Variants in ASH2L observed in about 807,000 individuals in gnomAD.
ASH2L encodes set1/Ash2 histone methyltransferase complex subunit ASH2.
Under a neutral mutation model 81.1 loss-of-function variants are expected in ASH2L, and 30 were observed. The ratio of observed to expected loss-of-function variants is 0.37; its 90% CI spans 0.28 to 0.50. The LOEUF (loss-of-function observed/expected upper bound fraction) is 0.50. Among genes scored for constraint, ASH2L ranks in the 20% least tolerant of loss-of-function variants. The probability of loss-of-function intolerance (pLI) is 0.95; values close to 1 mark genes in which losing one functional copy is unlikely to be tolerated. For synonymous variants in ASH2L, 273 were observed against 279.9 expected (o/e 0.98, Z 0.24); for missense variants, 559 against 792.1 (o/e 0.71, Z 3.53).
rs1585598397 is a variant in ASH2L at position 38,128,230 on chromosome 8, G to T, written c.1166-61G>T. 3.8e-6 allele frequency: 6 copies of T among 1,587,528 alleles called. No individual in the cohort carries two copies. The East Asian group carries it at 1.1e-4, about 30-fold the overall frequency. ...GTTTTATTGGACTAATGTTTTTGTGGCAATTGTCCCCAAGAACCTCAAATA... is the reference window on the plus strand; with the variant it reads ...GTTTTATTGGACTAATGTTTTTGTGTCAATTGTCCCCAAGAACCTCAAATA... On this transcript the variant is annotated intron_variant, in intron 10 of 15. Coordinates refer to ENST00000343823, the MANE Select transcript of ASH2L (RefSeq NM_004674.5).
At position 38,128,882 on chromosome 8, in the gene ASH2L, G is replaced by A. The variant is rs1801954766; in HGVS notation, c.1458G>A (p.Leu486=). The A allele has an allele frequency of 6.2e-7, 1 of 1,614,004 alleles. No homozygotes were observed. The highest frequency in any genetic ancestry group is 8.5e-7 in the Non-Finnish European group (1 of 1,180,018). ...YSSGYGQGDV[L]GFYINLPEDT... is the part of the protein sequence containing the mutation. ...CTGGCTATGGACAGGGAGACGTCCT[G>A]GGATTTTATATTAATCTTCCTGAAG... The change falls in exon 12 of 16, where the codon CTG becomes CTA. Residue 486 remains leucine, a synonymous_variant. Transcript: ENST00000343823.
At chr8:38,132,597 G>A (rs1440659180) in intron 12 of ASH2L, among the ~76,000 whole-genome samples, 1 of 151,842 alleles carries the variant, frequency 6.6e-6, no homozygotes. Context: ...TCAGGAGTTC[G>A]AGACCAGCCT....
Position 38,120,954 on chromosome 8 carries a change from C to G in ASH2L, c.970C>G (p.Arg324Gly). The G allele has an allele frequency of 1.2e-6, 2 of 1,612,726 alleles. No individual in the cohort carries two copies. The change falls in exon 10 of 16, where the codon CGC (arginine) becomes GGC (glycine). Residue 324 changes from arginine (R) to glycine (G), a missense_variant. By Grantham distance (125) the Arg-to-Gly change is moderately radical. Coordinates refer to ENST00000343823, the MANE Select transcript of ASH2L (RefSeq NM_004674.5). ...ARSDPLFSAQ[R>G]LPPHGYPLEH... ...CAGTGACCCTTTGTTTTCTGCTCAG[C>G]GCCTTCCCCCTCATGGCTACCCATT...
At chr8:38,116,017 G>A (rs937931918) in intron 7 of ASH2L, among the ~76,000 whole-genome samples, 5 of 151,766 alleles carry the variant, frequency 3.3e-5, no homozygotes, top group Non-Finnish European at 4.4e-5. Context: ...ATTTGAGATC[G>A]GGAGTTGGAG....
chr8:38,108,698 G>A (rs1357029524), intron 3 of ASH2L, among the ~76,000 whole-genome samples: 1 of 152,034 alleles, frequency 6.6e-6, no homozygotes, highest in Non-Finnish European at 1.5e-5. Flanking sequence ...GTGCGTGCCT[G>A]TAGTCCCAGC....
intron 10 of ASH2L, among the ~76,000 whole-genome samples, chr8:38,125,221 G>A (rs929320115): frequency 9.2e-5 from 14 of 152,108 alleles, no homozygotes; most frequent in Non-Finnish European, 1.8e-4. Context: ...AACAGTTCAA[G>A]ATTTTGCCAT....
At chr8:38,106,983 A>G (rs779036793) in intron 2 of ASH2L, 38 bp from the exon 3 acceptor site, 3 of 1,611,268 alleles carry the variant, frequency 1.9e-6, no homozygotes, top group Non-Finnish European at 2.5e-6. Context: ...AAATACATTC[A>G]AGTCAACTGA....
intron 10 of ASH2L, among the ~76,000 whole-genome samples, chr8:38,123,901 C>G (rs1484837514): frequency 6.6e-6 from 1 of 152,072 alleles, no homozygotes; most frequent in Non-Finnish European, 1.5e-5. Flanking sequence ...AAGGCAGTGG[C>G]GTGATCTCGG....
At chr8:38,134,518 C>A (rs564614219) in intron 13 of ASH2L, among the ~76,000 whole-genome samples, 10 of 152,134 alleles carry the variant, frequency 6.6e-5, no homozygotes, top group Non-Finnish European at 1.3e-4. Context: ...CTTTCTCTGC[C>A]TCCACTTCCG....
At chr8:38,135,155 T>A (rs1802203865) in intron 13 of ASH2L, among the ~76,000 whole-genome samples, 1 of 152,220 alleles carries the variant, frequency 6.6e-6, no homozygotes, top group Non-Finnish European at 1.5e-5. Flanking sequence ...CCTCCCAGCT[T>A]ACTTTTATAA....
intron 2 of ASH2L, 40 bp from the exon 3 acceptor site, chr8:38,106,981 T>C: frequency 6.2e-7 from 1 of 1,610,478 alleles, no homozygotes; most frequent in Non-Finnish European, 8.5e-7. Flanking sequence ...TAAAATACAT[T>C]CAAGTCAACT....
chr8:38,110,506 A>G (rs1182722018), intron 4 of ASH2L, 39 bp downstream of exon 4: 7 of 1,568,664 alleles, frequency 4.5e-6, no homozygotes, highest in Non-Finnish European at 4.4e-6. Context: ...ATGATTATCC[A>G]CTGGAAAAGA....
intron 5 of ASH2L, among the ~76,000 whole-genome samples, chr8:38,111,823 A>G (rs1170331361): frequency 6.6e-6 from 1 of 152,214 alleles, no homozygotes; most frequent in African/African-American, 2.4e-5. Flanking sequence ...CCACAGTGCC[A>G]TAATCATAAT....
Position 38,128,440 on chromosome 8 carries a change from G to C in ASH2L, c.1315G>C (p.Gly439Arg). The C allele has an allele frequency of 6.2e-7, 1 of 1,614,050 alleles. No individual in the cohort carries two copies. Residue 439 changes from glycine to arginine, a missense_variant, in exon 11 of 16, where the codon GGT (glycine) becomes CGT (arginine). Transcript: ENST00000343823. ...GCCACCAGATACCGCTGCCAGACTGGGTTGGTCCCAGCCCCTAGGTAAGCT... is the reference window on the plus strand; with the variant it reads ...GCCACCAGATACCGCTGCCAGACTGCGTTGGTCCCAGCCCCTAGGTAAGCT... Reference protein sequence around the residue: ...EMPPDTAARLGWSQPLGNLQA... With the variant: ...EMPPDTAARLRWSQPLGNLQA...
chr8:38,122,939 G>A (rs1037962208), intron 10 of ASH2L, among the ~76,000 whole-genome samples: 6 of 151,500 alleles, frequency 4.0e-5, no homozygotes, highest in African/African-American at 1.2e-4. Flanking sequence ...TTTAGAGGTG[G>A]GGTCTTACTA....
chr8:38,110,946 A>G (rs2130482214), intron 5 of ASH2L, 113 bp downstream of exon 5: 1 of 840,662 alleles, frequency 1.2e-6, no homozygotes, highest in East Asian at 2.7e-5. Context: ...ATGACAGTGG[A>G]TTCAGTGATT....
Position 38,116,739 on chromosome 8 carries a change from T to C in ASH2L, c.853+14T>C, listed in dbSNP as rs1563253218. The C allele has an allele frequency of 1.3e-6, 2 of 1,599,526 alleles. No individual in the cohort carries two copies. Among genetic ancestry groups the C allele is most frequent in the South Asian group, 2.2e-5 (2 of 89,996 alleles). On this transcript the variant is annotated intron_variant, in intron 8 of 15. Coordinates refer to ENST00000343823, the MANE Select transcript of ASH2L (RefSeq NM_004674.5). The stretch of plus-strand genomic sequence containing the variant: ...GGAATTTAAATGGTAAGTGTTTACA[T>C]ATCTCATTGCTGAAATATTTGGAAG...
At chr8:38,130,840 A>G (rs538690144) in intron 12 of ASH2L, among the ~76,000 whole-genome samples, 1 of 152,272 alleles carries the variant, frequency 6.6e-6, no homozygotes, top group African/African-American at 2.4e-5. Context: ...TCGGCCTCCC[A>G]AAGTGCTGGG....
intron 8 of ASH2L, among the ~76,000 whole-genome samples, chr8:38,118,871 T>C (rs1466398255): frequency 6.6e-6 from 1 of 152,188 alleles, no homozygotes; most frequent in East Asian, 1.9e-4. Flanking sequence ...TATGGGTGTT[T>C]GTATTAATTT....
Sources: gnomAD v4.1 joint callset for allele counts (sites outside exome capture counted in the v4.1 genomes callset) on GRCh38, gnomAD v4.1.1 for gene constraint, MANE v1.5 for transcripts, NCBI Gene and HGNC (gene_info 2026-07-23, HGNC 2026-07-21) for gene names.